RBM33: variants seen among roughly 807,000 people sequenced by gnomAD.
RBM33 encodes RNA binding motif protein 33.
RBM33 carries 28 observed loss-of-function variants against 132.6 expected under a neutral mutation model. The ratio of observed to expected loss-of-function variants is 0.21; its 90% CI spans 0.16 to 0.29. The LOEUF (loss-of-function observed/expected upper bound fraction) is 0.29. Ranked by LOEUF, RBM33 falls within the 10% of genes least tolerant of loss-of-function variation. The pLI is 1.00. For synonymous variants in RBM33, 634 were observed against 593.0 expected, an observed-to-expected ratio of 1.07 and a Z score of -1.01; for missense variants, 1,291 against 1,518.5, an observed-to-expected ratio of 0.85 and a Z score of 2.49.
rs1221950984 is a variant in RBM33 at position 155,778,977 on chromosome 7, C to G, written c.*3936C>G. ...CCTGCGGCTGTTCCCCTCCTCTGCT[C>G]TCTCCCTGGAGAGGACTGCCAGCTC... On this transcript the variant is annotated 3_prime_UTR_variant, in exon 18 of 18. Coordinates refer to ENST00000401878, the MANE Select transcript of RBM33 (RefSeq NM_053043.3). The surrounding 1 kb of genome is among the most constrained non-coding windows in gnomAD (Gnocchi z 4.0). The G allele has an allele frequency of 6.6e-6, 1 of 152,576 alleles. No homozygotes were observed. The highest frequency in any genetic ancestry group is 1.5e-5 in the Non-Finnish European group (1 of 68,104). 9.5% of individuals were successfully genotyped at this position (152,576 alleles called of 1,614,324 possible).
At chr7:155,758,548 C>G (rs1346082911) in intron 14 of RBM33, among the ~76,000 whole-genome samples, 1 of 152,210 alleles carries the variant, frequency 6.6e-6, no homozygotes, top group Non-Finnish European at 1.5e-5. Context: ...TGCTTGCCTG[C>G]CTGCTGCTCA....
rs567486595 is a variant in RBM33 at position 155,666,827 on chromosome 7, C to T, written c.122+1574C>T. 5.9e-4 allele frequency among the ~76,000 whole-genome samples: 90 copies of T among 151,954 alleles called. 4 individuals are homozygous for T. Among genetic ancestry groups the T allele is most frequent in the Non-Finnish European group, 2.1e-4 (14 of 67,960 alleles). On this transcript the variant is annotated intron_variant, in intron 2 of 17. Coordinates refer to ENST00000401878, the MANE Select transcript of RBM33 (RefSeq NM_053043.3). ...TCCTCCCAGTCTGTGGCATGTGTTTCCTTAAAAAATAGTCTTTGACTAGAT... is the reference window on the plus strand; with the variant it reads ...TCCTCCCAGTCTGTGGCATGTGTTTTCTTAAAAAATAGTCTTTGACTAGAT...
At chr7:155,665,055 A>G in intron 1 of RBM33, 120 bp from the exon 2 acceptor site, 1 of 711,904 alleles carries the variant, frequency 1.4e-6, no homozygotes. Flanking sequence ...TACATATGAA[A>G]CTTTTGTAAT....
intron 14 of RBM33, among the ~76,000 whole-genome samples, chr7:155,755,536 A>G (rs553220794): frequency 2.6e-5 from 4 of 152,376 alleles, no homozygotes; most frequent in African/African-American, 9.6e-5. Flanking sequence ...AAAGGCTGAG[A>G]AAAATGGTTG....
intron 5 of RBM33, among the ~76,000 whole-genome samples, chr7:155,698,084 G>C (rs1799848936): frequency 6.6e-6 from 1 of 152,102 alleles, no homozygotes; most frequent in South Asian, 2.1e-4. Flanking sequence ...AAATTATACA[G>C]AAGGCCAGGC....
chr7:155,655,534 C>CTTTTTTTTTTTTTTTTTTTTTTTTT (rs756948005), intron 1 of RBM33, among the ~76,000 whole-genome samples: 1 of 80,114 alleles, frequency 1.2e-5, no homozygotes, highest in Non-Finnish European at 2.2e-5. Context: ...GGCTGTTTGC[C>CTTTTTTTTTTTTTTTTTTTTTTTTT]TTTTTTTTTT....
intron 9 of RBM33, among the ~76,000 whole-genome samples, chr7:155,731,381 T>A (rs1302636662): frequency 1.3e-5 from 2 of 152,172 alleles, no homozygotes; most frequent in Non-Finnish European, 2.9e-5. Flanking sequence ...AATTTACAAA[T>A]TAGGCACAAT....
intron 1 of RBM33, among the ~76,000 whole-genome samples, chr7:155,657,182 A>AT (rs892466732): frequency 6.6e-6 from 1 of 152,090 alleles, no homozygotes; most frequent in Non-Finnish European, 1.5e-5. Flanking sequence ...TACTTTAATT[A>AT]TTTTTGATGA....
chr7:155,735,954 C>G (rs1307963369), intron 9 of RBM33, among the ~76,000 whole-genome samples: 1 of 152,084 alleles, frequency 6.6e-6, no homozygotes, highest in Non-Finnish European at 1.5e-5. Context: ...TGTGGATTTC[C>G]TTGTTTCACC....
At chr7:155,677,276 T>C (rs1270835131) in intron 3 of RBM33, among the ~76,000 whole-genome samples, 2 of 151,520 alleles carry the variant, frequency 1.3e-5, no homozygotes, top group Admixed American at 1.3e-4. Flanking sequence ...CTGGAGTGCA[T>C]TGGCTCACTG....
intron 4 of RBM33, 29 bp from the exon 5 acceptor site, chr7:155,680,561 C>CTTT: frequency 9.1e-7 from 1 of 1,097,506 alleles, no homozygotes; most frequent in African/African-American, 1.6e-5. Flanking sequence ...TCATTGGGTG[C>CTTT]TTTTTTTTTT....
At chr7:155,659,089 C>T (rs1448648506) in intron 1 of RBM33, among the ~76,000 whole-genome samples, 1 of 152,128 alleles carries the variant, frequency 6.6e-6, no homozygotes, top group African/African-American at 2.4e-5. Flanking sequence ...GGACAGCAAC[C>T]TTCATTGTGT....
chr7:155,698,358 C>T (rs1160430457), intron 5 of RBM33, among the ~76,000 whole-genome samples: 1 of 107,726 alleles, frequency 9.3e-6, no homozygotes, highest in Admixed American at 8.6e-5. Context: ...CAGAGCAAGA[C>T]TCCATCTCAG....
intron 5 of RBM33, among the ~76,000 whole-genome samples, chr7:155,695,300 A>G (rs973037762): frequency 1.3e-5 from 2 of 152,182 alleles, no homozygotes; most frequent in Admixed American, 6.5e-5. Context: ...TGTATTTTCT[A>G]CATGTATCAT....
intron 2 of RBM33, among the ~76,000 whole-genome samples, chr7:155,665,503 G>A (rs1182650885): frequency 3.3e-5 from 5 of 152,206 alleles, no homozygotes; most frequent in African/African-American, 4.8e-5. Context: ...CTTTGTTTTT[G>A]TACAGTAATG....
Position 155,743,800 on chromosome 7 carries a change from C to G in RBM33, c.2338-1161C>G, listed in dbSNP as rs373370130. Among the ~76,000 whole-genome samples, 21 of 152,204 alleles carry G rather than the reference C, an allele frequency of 1.4e-4. No individual in the cohort carries two copies. The East Asian group carries it at 4.1e-3, about 29-fold the overall frequency. On this transcript the variant is annotated intron_variant, in intron 13 of 17. Coordinates refer to ENST00000401878, the MANE Select transcript of RBM33 (RefSeq NM_053043.3). Reference sequence around the variant, plus strand: ...GAAATTCCGATGACTAGTAATTATTCCTGTGTTTTGAGGCAGTGGCCCCTT... The same window carrying G: ...GAAATTCCGATGACTAGTAATTATTGCTGTGTTTTGAGGCAGTGGCCCCTT...
chr7:155,706,823 C>T (rs1272153516), intron 6 of RBM33, 37 bp from the exon 7 acceptor site: 11 of 1,525,152 alleles, frequency 7.2e-6, no homozygotes, highest in East Asian at 2.4e-5. Context: ...TTTGGGCTCT[C>T]GGAAAGTAAC....
At chr7:155,742,615 C>T (rs1801386511) in intron 13 of RBM33, among the ~76,000 whole-genome samples, 1 of 152,220 alleles carries the variant, frequency 6.6e-6, no homozygotes, top group African/African-American at 2.4e-5. Context: ...TCTTGATTTA[C>T]ACTATTAACC....
intron 10 of RBM33, 86 bp downstream of exon 10, chr7:155,737,748 G>T (rs1343883814): frequency 6.5e-6 from 9 of 1,374,200 alleles, no homozygotes; most frequent in African/African-American, 1.5e-5. Flanking sequence ...AAACTGAATT[G>T]AACTCCCAGT....
Sources: allele counts gnomAD v4.1 joint callset (sites outside exome capture counted in the v4.1 genomes callset), GRCh38; gene constraint gnomAD v4.1.1; non-coding constraint Gnocchi (gnomAD v3.1); transcripts MANE v1.5; gene names NCBI Gene and HGNC (gene_info 2026-07-23, HGNC 2026-07-21).